Variants in CIMIP6 observed in about 807,000 individuals in gnomAD.
CIMIP6 encodes the protein ciliary microtubule inner protein 6.
the CIMIP6 span, among the ~76,000 whole-genome samples, chr2:54,359,436 G>T: frequency 1.3e-5 from 2 of 152,054 alleles, no homozygotes; most frequent in Non-Finnish European, 2.9e-5. Flanking sequence ...TTGGAATTTG[G>T]TCTACTTAAA....
the CIMIP6 span, among the ~76,000 whole-genome samples, chr2:54,364,911 T>C: frequency 6.6e-6 from 1 of 152,188 alleles, no homozygotes; most frequent in African/African-American, 2.4e-5. Flanking sequence ...GAAATTAAAA[T>C]CCTCAGGTGC....
At chr2:54,363,391 CCA>C in the CIMIP6 span, among the ~76,000 whole-genome samples, 1 of 152,114 alleles carries the variant, frequency 6.6e-6, no homozygotes, top group Non-Finnish European at 1.5e-5. Context: ...TTGATTCATG[CCA>C]CAGTTACCCT....
At chr2:54,372,835 TC>T in the CIMIP6 span, among the ~76,000 whole-genome samples, 59 of 152,122 alleles carry the variant, frequency 3.9e-4, no homozygotes, top group Non-Finnish European at 6.0e-4. Flanking sequence ...CTGTTTGGGG[TC>T]CTTTATTGTA....
At chr2:54,378,011 C>A in the CIMIP6 span, among the ~76,000 whole-genome samples, 1 of 152,192 alleles carries the variant, frequency 6.6e-6, no homozygotes, top group South Asian at 2.1e-4. Flanking sequence ...TTCTCTTTAA[C>A]GTGTGCCCAT....
the CIMIP6 span, among the ~76,000 whole-genome samples, chr2:54,348,038 G>T: frequency 6.6e-6 from 1 of 152,104 alleles, no homozygotes; most frequent in Non-Finnish European, 1.5e-5. Flanking sequence ...TAGTGTGATT[G>T]TACTGGGGCT....
the CIMIP6 span, chr2:54,360,612 A>G: frequency 7.0e-7 from 1 of 1,432,296 alleles, no homozygotes; most frequent in Non-Finnish European, 9.2e-7. Flanking sequence ...GGGAAATTTC[A>G]CAATCATCAT....
At chr2:54,365,829 AACTT>A in the CIMIP6 span, among the ~76,000 whole-genome samples, 4 of 152,262 alleles carry the variant, frequency 2.6e-5, no homozygotes, top group African/African-American at 9.6e-5. Context: ...ATTTTTAAAA[AACTT>A]AATTCAGTAG....
the CIMIP6 span, chr2:54,358,923 A>T: frequency 9.2e-7 from 1 of 1,082,560 alleles, no homozygotes; most frequent in Non-Finnish European, 1.3e-6. Context: ...AACAAATCTA[A>T]TTTTTTGTCC....
the CIMIP6 span, chr2:54,330,982 G>A: frequency 7.4e-6 from 12 of 1,613,476 alleles, no homozygotes; most frequent in Non-Finnish European, 9.3e-6. Flanking sequence ...GCCCATGGAG[G>A]AAAAGGAAGA....
the CIMIP6 span, among the ~76,000 whole-genome samples, chr2:54,372,378 C>A: frequency 0.98 from 148,817 of 152,228 alleles, 72,762 homozygotes; most frequent in East Asian, 1. Flanking sequence ...GTATTTGTCC[C>A]CTTGTTTTTA....
chr2:54,353,450 C>T, the CIMIP6 span, among the ~76,000 whole-genome samples: 49 of 152,112 alleles, frequency 3.2e-4, no homozygotes, highest in Admixed American at 2.6e-3. Flanking sequence ...AAACCCCTTC[C>T]GCTTCTTCCA....
At chr2:54,363,968 C>T in the CIMIP6 span, among the ~76,000 whole-genome samples, 1 of 152,192 alleles carries the variant, frequency 6.6e-6, no homozygotes, top group Non-Finnish European at 1.5e-5. Flanking sequence ...GTGGTTCCTA[C>T]CACAGGCTAG....
chr2:54,332,971 C>T, the CIMIP6 span, among the ~76,000 whole-genome samples: 1 of 152,162 alleles, frequency 6.6e-6, no homozygotes, highest in South Asian at 2.1e-4. Context: ...GAACTAGAAT[C>T]CAAGGATTCT....
At chr2:54,373,492 TC>T in the CIMIP6 span, among the ~76,000 whole-genome samples, 1 of 152,290 alleles carries the variant, frequency 6.6e-6, no homozygotes, top group Non-Finnish European at 1.5e-5. Flanking sequence ...TTGCAACACT[TC>T]CTGTCTCTAT....
At chr2:54,348,363 A>G in the CIMIP6 span, among the ~76,000 whole-genome samples, 4 of 152,156 alleles carry the variant, frequency 2.6e-5, no homozygotes, top group African/African-American at 7.2e-5. Context: ...GTTGAGTTGA[A>G]ATTTAGCTCA....
the CIMIP6 span, among the ~76,000 whole-genome samples, chr2:54,372,020 T>C: frequency 2.6e-5 from 4 of 152,234 alleles, no homozygotes; most frequent in African/African-American, 7.2e-5. Context: ...CTGACAACAA[T>C]AGCTGCTAAC....
the CIMIP6 span, among the ~76,000 whole-genome samples, chr2:54,336,904 A>T: frequency 6.6e-6 from 1 of 152,344 alleles, no homozygotes; most frequent in Non-Finnish European, 1.5e-5. Context: ...GCAGAATCCT[A>T]GTCTACTGCT....
At chr2:54,337,039 A>G in the CIMIP6 span, among the ~76,000 whole-genome samples, 3 of 152,194 alleles carry the variant, frequency 2.0e-5, no homozygotes, top group African/African-American at 7.2e-5. Flanking sequence ...AGCAAAGGTA[A>G]TAATTTCTCA....
the CIMIP6 span, among the ~76,000 whole-genome samples, chr2:54,342,823 A>C: frequency 6.6e-6 from 1 of 152,172 alleles, no homozygotes; most frequent in South Asian, 2.1e-4. Context: ...AGTTACTTTC[A>C]TATCCTAACT....
Sources: gnomAD v4.1 joint callset for allele counts (sites outside exome capture counted in the v4.1 genomes callset) on GRCh38, gnomAD v4.1.1 for gene constraint, MANE v1.5 for transcripts, NCBI Gene and HGNC (gene_info 2026-07-23, HGNC 2026-07-21) for gene names.